Variants in OTUD7A observed in about 807,000 individuals in gnomAD.
OTUD7A encodes the protein OTU deubiquitinase 7A, also known as OTU domain-containing protein 7A.
OTUD7A carries 12 observed loss-of-function variants against 65.7 expected under a neutral mutation model. The observed-to-expected ratio is 0.18, with a 90% confidence interval of 0.12 to 0.30. The LOEUF is 0.30. Ranked by LOEUF, OTUD7A falls within the 10% of genes least tolerant of loss-of-function variation. OTUD7A has a pLI of 1.00. For missense variants in OTUD7A, 1,148 were observed against 1,304.8 expected (o/e 0.88, Z 1.85); for synonymous variants, 641 against 586.3 (o/e 1.09, Z -1.35).
At chr15:31,546,068 G>A (rs959521690) in intron 5 of OTUD7A, among the ~76,000 whole-genome samples, 1 of 152,156 alleles carries the variant, frequency 6.6e-6, no homozygotes, top group Admixed American at 6.5e-5. Flanking sequence ...ATCTAGAGAT[G>A]ATTTAAAATA....
intron 1 of OTUD7A, among the ~76,000 whole-genome samples, chr15:31,671,008 AT>A (rs1237875543): frequency 4.1e-4 from 62 of 152,098 alleles, no homozygotes; most frequent in African/African-American, 1.3e-3. Flanking sequence ...AAAAAAAAAA[AT>A]CTTCTCCCAT....
At chr15:31,619,256 G>A (rs1175111030) in intron 3 of OTUD7A, among the ~76,000 whole-genome samples, 8 of 152,226 alleles carry the variant, frequency 5.3e-5, no homozygotes, top group South Asian at 2.1e-4. Context: ...TTGGCAATGC[G>A]GGCTCTTTTT....
intron 10 of OTUD7A, among the ~76,000 whole-genome samples, chr15:31,493,157 A>G (rs1030107356): frequency 7.0e-6 from 1 of 143,768 alleles, no homozygotes; most frequent in Non-Finnish European, 1.6e-5. Context: ...AGGAAAAAAA[A>G]AAAAGAAAAA....
At chr15:31,634,003 G>T (rs1383276617) in intron 3 of OTUD7A, among the ~76,000 whole-genome samples, 1 of 152,134 alleles carries the variant, frequency 6.6e-6, no homozygotes, top group Non-Finnish European at 1.5e-5. Context: ...TCCAAATTCA[G>T]AACTGTCCTA....
intron 1 of OTUD7A, chr15:31,766,041 G>T: frequency 6.4e-7 from 1 of 1,556,112 alleles, no homozygotes; most frequent in Non-Finnish European, 8.9e-7. Flanking sequence ...TGGCAAAGGA[G>T]CAAATAGTCC....
chr15:31,764,583 C>T (rs1198835719), intron 1 of OTUD7A, among the ~76,000 whole-genome samples: 1 of 151,950 alleles, frequency 6.6e-6, no homozygotes, highest in African/African-American at 2.4e-5. Context: ...ACTTGGCAAG[C>T]GTTTTCTTCC....
rs139487314 is a variant in OTUD7A, at chr15:31,591,482, G to T, written c.152-21285C>A. On this transcript the variant is annotated intron_variant, in intron 3 of 12. Coordinates refer to ENST00000307050, the MANE Select transcript of OTUD7A (RefSeq NM_001382637.1). ...CATGGATGGGCCTCATCTAATCCAC[G>T]GAAGGGCTGAGTAGAACAAAAGGCT... Among the ~76,000 whole-genome samples, 303 of 152,244 alleles carry T rather than the reference G, an allele frequency of 2.0e-3. 1 individual carries two copies. The highest frequency in any genetic ancestry group is 7.0e-3 in the African/African-American group (289 of 41,524).
intron 1 of OTUD7A, among the ~76,000 whole-genome samples, chr15:31,786,171 T>A (rs1895669467): frequency 6.6e-6 from 1 of 152,192 alleles, no homozygotes; most frequent in African/African-American, 2.4e-5. Flanking sequence ...ATGCAGCTCT[T>A]CAACCTTGGA....
chr15:31,524,616 C>T (rs560093575), intron 8 of OTUD7A, among the ~76,000 whole-genome samples: 1 of 151,792 alleles, frequency 6.6e-6, no homozygotes, highest in South Asian at 2.1e-4. Context: ...CCATTCTTTC[C>T]TGATGGGGTC....
At chr15:31,781,310 A>G (rs921425961) in intron 1 of OTUD7A, among the ~76,000 whole-genome samples, 2 of 152,154 alleles carry the variant, frequency 1.3e-5, no homozygotes, top group Non-Finnish European at 1.5e-5. Flanking sequence ...AGCCACGTGT[A>G]GAGGCCACAT....
chr15:31,777,540 T>C (rs1895418052), intron 1 of OTUD7A, among the ~76,000 whole-genome samples: 1 of 151,908 alleles, frequency 6.6e-6, no homozygotes, highest in Non-Finnish European at 1.5e-5. Flanking sequence ...GGGGTCCTCC[T>C]TCTTCACCCT....
chr15:31,655,552 G>A (rs1473926452), intron 2 of OTUD7A, among the ~76,000 whole-genome samples: 1 of 151,980 alleles, frequency 6.6e-6, no homozygotes, highest in Non-Finnish European at 1.5e-5. Context: ...CAAGGTGATG[G>A]AGAAAGACAG....
chr15:31,755,599 G>A (rs1894790351), intron 1 of OTUD7A, among the ~76,000 whole-genome samples: 1 of 152,210 alleles, frequency 6.6e-6, no homozygotes, highest in East Asian at 1.9e-4. Context: ...GCGGGCGCCT[G>A]TAGTCCCAGC....
At chr15:31,652,414 T>C (rs192789762) in intron 3 of OTUD7A, among the ~76,000 whole-genome samples, 1 of 152,308 alleles carries the variant, frequency 6.6e-6, no homozygotes, top group African/African-American at 2.4e-5. Context: ...AAGAAAATCT[T>C]CATGACCTGG....
intron 1 of OTUD7A, among the ~76,000 whole-genome samples, chr15:31,685,209 T>G (rs1352965928): frequency 6.6e-6 from 1 of 152,246 alleles, no homozygotes; most frequent in Non-Finnish European, 1.5e-5. Flanking sequence ...CCTGTGAGAT[T>G]AGCCTGCAGA....
chr15:31,613,425 G>A (rs1890489162), intron 3 of OTUD7A, among the ~76,000 whole-genome samples: 1 of 151,790 alleles, frequency 6.6e-6, no homozygotes, highest in South Asian at 2.1e-4. Flanking sequence ...CCAGAATCTA[G>A]AACCCAAACT....
At chr15:31,868,474 T>C (rs554576955) in intron 1 of OTUD7A, among the ~76,000 whole-genome samples, 2 of 152,314 alleles carry the variant, frequency 1.3e-5, no homozygotes, top group South Asian at 2.1e-4. Context: ...CTTCATACTA[T>C]TGAGGACATG....
At chr15:31,828,307 TTTC>T (rs1440405746) in intron 1 of OTUD7A, among the ~76,000 whole-genome samples, 2 of 152,198 alleles carry the variant, frequency 1.3e-5, no homozygotes, top group Admixed American at 6.5e-5. Flanking sequence ...TTGTTAGTAT[TTTC>T]TTTTTTAATT....
chr15:31,800,053 G>A (rs1435380625), intron 1 of OTUD7A, among the ~76,000 whole-genome samples: 2 of 152,166 alleles, frequency 1.3e-5, no homozygotes, highest in African/African-American at 4.8e-5. Flanking sequence ...TGAGAAGGCT[G>A]GCATAAGGTT....
Sources: gnomAD v4.1 joint callset for allele counts (sites outside exome capture counted in the v4.1 genomes callset) on GRCh38, gnomAD v4.1.1 for gene constraint, MANE v1.5 for transcripts, NCBI Gene and HGNC (gene_info 2026-07-23, HGNC 2026-07-21) for gene names.